The following TPD52L1 variants were observed in gnomAD, a reference collection of about 807,000 sequenced individuals.
TPD52L1 encodes tumor protein D53.
A neutral mutation model predicts 28.7 loss-of-function variants in TPD52L1; 18 were observed. That is an observed-to-expected ratio of 0.63 (90% CI 0.43 to 0.93). The LOEUF (loss-of-function observed/expected upper bound fraction) is 0.93. TPD52L1 is among the 40% of genes least tolerant of loss of function. The pLI, the probability that TPD52L1 is intolerant of heterozygous loss-of-function variation, is 0.00. For synonymous variants in TPD52L1, 75 were observed against 88.8 expected (o/e 0.84, Z 0.88); for missense variants, 203 against 254.8 (o/e 0.80, Z 1.39).
intron 1 of TPD52L1, among the ~76,000 whole-genome samples, chr6:125,180,522 G>A (rs118082840): frequency 0.017 from 2,559 of 151,790 alleles, 29 homozygotes; most frequent in Non-Finnish European, 0.027. Context: ...GTGGCACACA[G>A]TTTTTAAATA....
intron 3 of TPD52L1, among the ~76,000 whole-genome samples, chr6:125,233,624 GT>G (rs1394223068): frequency 6.6e-6 from 1 of 151,986 alleles, no homozygotes; most frequent in Non-Finnish European, 1.5e-5. Context: ...AATCTTAAAT[GT>G]TTTTTTGTAT....
At chr6:125,238,200 G>C (rs963030514) in intron 3 of TPD52L1, among the ~76,000 whole-genome samples, 18 of 152,172 alleles carry the variant, frequency 1.2e-4, no homozygotes, top group Non-Finnish European at 2.2e-4. Flanking sequence ...TTAGTAGCAG[G>C]CTTCTTCTGA....
intron 2 of TPD52L1, among the ~76,000 whole-genome samples, chr6:125,228,305 C>T (rs748010199): frequency 2.7e-4 from 41 of 152,038 alleles, no homozygotes; most frequent in Non-Finnish European, 4.1e-4. Flanking sequence ...AATGGCTTCA[C>T]GGGTAGATAC....
At chr6:125,201,802 T>C (rs879008188) in intron 1 of TPD52L1, among the ~76,000 whole-genome samples, 1 of 152,222 alleles carries the variant, frequency 6.6e-6, no homozygotes. Flanking sequence ...TCTTGCATAT[T>C]TTATTCTTGC....
intron 1 of TPD52L1, among the ~76,000 whole-genome samples, chr6:125,208,739 G>A (rs1010884842): frequency 1.3e-5 from 2 of 152,184 alleles, no homozygotes; most frequent in African/African-American, 4.8e-5. Flanking sequence ...ATTGTAGTAA[G>A]GGAGGTAAGA....
At chr6:125,156,317 T>C (rs976344513) in intron 1 of TPD52L1, among the ~76,000 whole-genome samples, 5 of 151,458 alleles carry the variant, frequency 3.3e-5, no homozygotes, top group Admixed American at 1.3e-4. Context: ...ATAAACAGAA[T>C]TAGCTGAGTG....
chr6:125,230,216 A>T (rs950280685), intron 3 of TPD52L1, among the ~76,000 whole-genome samples: 3 of 152,318 alleles, frequency 2.0e-5, no homozygotes, highest in African/African-American at 7.2e-5. Flanking sequence ...AGTTGCATGA[A>T]ATATTTAATG....
At chr6:125,157,321 T>G (rs960158879) in intron 1 of TPD52L1, among the ~76,000 whole-genome samples, 1 of 152,232 alleles carries the variant, frequency 6.6e-6, no homozygotes, top group Non-Finnish European at 1.5e-5. Context: ...GTGCAGCAAC[T>G]TACTGCACTA....
At chr6:125,213,147 A>G (rs1205830575) in intron 1 of TPD52L1, among the ~76,000 whole-genome samples, 2 of 152,212 alleles carry the variant, frequency 1.3e-5, no homozygotes, top group African/African-American at 2.4e-5. Flanking sequence ...TGGTGTGAGT[A>G]TGAGCACCTA....
intron 4 of TPD52L1, 166 bp downstream of exon 4, chr6:125,248,549 G>C: frequency 1.7e-6 from 1 of 596,654 alleles, no homozygotes; most frequent in Non-Finnish European, 2.9e-6. Context: ...TTTCACACTG[G>C]GACATTTTCT....
chr6:125,194,023 G>GTTTT (rs3040726), intron 1 of TPD52L1, among the ~76,000 whole-genome samples: 1 of 124,072 alleles, frequency 8.1e-6, no homozygotes, highest in Non-Finnish European at 1.7e-5. Flanking sequence ...CTTCTGAATA[G>GTTTT]TTTTTTTTTT....
At chr6:125,240,720 T>G (rs1796567232) in intron 3 of TPD52L1, among the ~76,000 whole-genome samples, 1 of 152,106 alleles carries the variant, frequency 6.6e-6, no homozygotes, top group Non-Finnish European at 1.5e-5. Flanking sequence ...TCTAGTAGCT[T>G]TTTGGATGAG....
At chr6:125,199,272 A>C (rs1477979929) in intron 1 of TPD52L1, among the ~76,000 whole-genome samples, 1 of 152,260 alleles carries the variant, frequency 6.6e-6, no homozygotes, top group African/African-American at 2.4e-5. Flanking sequence ...TAGTATAAAA[A>C]ATGTTTTGCT....
chr6:125,181,994 T>A (rs942634126), intron 1 of TPD52L1, among the ~76,000 whole-genome samples: 2 of 152,196 alleles, frequency 1.3e-5, no homozygotes, highest in African/African-American at 4.8e-5. Flanking sequence ...CCCCTTCATG[T>A]CAGTTTTTAT....
chr6:125,222,140 AG>A (rs748943883), intron 2 of TPD52L1, among the ~76,000 whole-genome samples: 3 of 152,256 alleles, frequency 2.0e-5, no homozygotes, highest in Non-Finnish European at 4.4e-5. Flanking sequence ...GTGTGGACAC[AG>A]GAACTCAAGT....
At chr6:125,226,306 A>T (rs1795604640) in intron 2 of TPD52L1, among the ~76,000 whole-genome samples, 1 of 152,214 alleles carries the variant, frequency 6.6e-6, no homozygotes, top group Non-Finnish European at 1.5e-5. Flanking sequence ...TGTCTTTGAA[A>T]GTGTGCCTGA....
chr6:125,169,575 T>C (rs576281545), intron 1 of TPD52L1, among the ~76,000 whole-genome samples: 1 of 152,286 alleles, frequency 6.6e-6, no homozygotes, highest in African/African-American at 2.4e-5. Context: ...TTTCCCTCCA[T>C]TATACCCCAT....
intron 3 of TPD52L1, among the ~76,000 whole-genome samples, chr6:125,231,630 G>GTTGTTTGT: frequency 8.3e-6 from 1 of 120,242 alleles, no homozygotes; most frequent in East Asian, 2.6e-4. Context: ...TGTTGTTGTT[G>GTTGTTTGT]TTGTTTGTTT....
intron 1 of TPD52L1, among the ~76,000 whole-genome samples, chr6:125,165,276 T>A (rs1790817542): frequency 6.6e-6 from 1 of 151,880 alleles, no homozygotes; most frequent in African/African-American, 2.4e-5. Flanking sequence ...TAAAGTGTAA[T>A]GATTTGAAAT....
Sources: gnomAD v4.1 joint callset for allele counts (sites outside exome capture counted in the v4.1 genomes callset) on GRCh38, gnomAD v4.1.1 for gene constraint, MANE v1.5 for transcripts, NCBI Gene and HGNC (gene_info 2026-07-23, HGNC 2026-07-21) for gene names.